Variants in CFAP54 observed in about 807,000 individuals in gnomAD.
CFAP54 encodes the protein cilia- and flagella-associated protein 54.
In CFAP54, 290 loss-of-function variants were observed where a neutral mutation model predicts 370.4. The observed-to-expected ratio is 0.78, with a 90% CI of 0.71 to 0.86. The LOEUF (loss-of-function observed/expected upper bound fraction) is 0.86, where lower values mean the gene tolerates loss of function less well. Ranked by LOEUF, CFAP54 falls within the 40% of genes least tolerant of loss-of-function variation. The probability of loss-of-function intolerance (pLI) is 0.00; values close to 1 mark genes in which losing one functional copy is unlikely to be tolerated. For synonymous variants in CFAP54, 1,206 were observed against 1,236.5 expected, an observed-to-expected ratio of 0.98 and a Z score of 0.52; for missense variants, 3,399 against 3,528.7, an observed-to-expected ratio of 0.96 and a Z score of 0.93.
intron 67 of CFAP54, among the ~76,000 whole-genome samples, chr12:96,862,005 A>T (rs145286232): frequency 1.2e-4 from 18 of 152,318 alleles, no homozygotes; most frequent in African/African-American, 4.3e-4. Flanking sequence ...ATTTCCTACT[A>T]GTATTAAAAA....
At chr12:96,857,808 C>T (rs1099729) in intron 66 of CFAP54, among the ~76,000 whole-genome samples, 145,030 of 152,272 alleles carry the variant, frequency 0.95, 69,114 homozygotes, top group East Asian at 1. Flanking sequence ...GCCATAATTA[C>T]AAGTTTCCTG....
chr12:96,551,087 G>A (rs746703422), intron 15 of CFAP54, among the ~76,000 whole-genome samples: 12 of 152,088 alleles, frequency 7.9e-5, no homozygotes, highest in Admixed American at 2.6e-4. Flanking sequence ...TGGGCAATAT[G>A]GTGAAACCAT....
chr12:96,657,661 A>T (rs1565931294), intron 36 of CFAP54, among the ~76,000 whole-genome samples: 3 of 152,384 alleles, frequency 2.0e-5, no homozygotes, highest in Non-Finnish European at 2.9e-5. Flanking sequence ...ATAGGGAACG[A>T]TAATGAACAG....
intron 55 of CFAP54, among the ~76,000 whole-genome samples, chr12:96,745,643 T>C (rs1265816754): frequency 1.3e-5 from 2 of 152,230 alleles, no homozygotes; most frequent in Non-Finnish European, 2.9e-5. Flanking sequence ...ATTCTGATGA[T>C]AGTTTCTTTT....
chr12:96,696,223 A>C (rs1001679233), intron 45 of CFAP54, among the ~76,000 whole-genome samples: 7 of 152,138 alleles, frequency 4.6e-5, no homozygotes, highest in Admixed American at 4.6e-4. Flanking sequence ...AGGTTGTAGA[A>C]GATAACATGA....
At chr12:96,873,988 G>A (rs1960227143) in intron 67 of CFAP54, among the ~76,000 whole-genome samples, 1 of 152,044 alleles carries the variant, frequency 6.6e-6, no homozygotes, top group Non-Finnish European at 1.5e-5. Context: ...GTTCTCTTTT[G>A]TCTTCTCCAT....
intron 51 of CFAP54, among the ~76,000 whole-genome samples, chr12:96,740,637 T>C (rs1269573318): frequency 1.3e-5 from 2 of 152,238 alleles, no homozygotes; most frequent in African/African-American, 4.8e-5. Flanking sequence ...GTATTACTAA[T>C]AAAATCGCTA....
intron 60 of CFAP54, among the ~76,000 whole-genome samples, chr12:96,771,797 C>T (rs2136679602): frequency 6.6e-6 from 1 of 152,194 alleles, no homozygotes; most frequent in East Asian, 1.9e-4. Context: ...GAGCTCTGGC[C>T]TGGGCTGATG....
At chr12:96,578,493 G>C (rs756986539) in intron 20 of CFAP54, among the ~76,000 whole-genome samples, 8 of 152,140 alleles carry the variant, frequency 5.3e-5, no homozygotes, top group Non-Finnish European at 1.2e-4. Context: ...GTTTGCTTTT[G>C]TTCAAATATT....
At chr12:96,588,493 GTC>G (rs569034219) in intron 22 of CFAP54, among the ~76,000 whole-genome samples, 160 of 152,302 alleles carry the variant, frequency 1.1e-3, no homozygotes, top group Non-Finnish European at 1.6e-3. Context: ...ACTTTGAAGA[GTC>G]TATCTCTACA....
At chr12:96,836,615 AC>A (rs1428859668) in intron 66 of CFAP54, among the ~76,000 whole-genome samples, 2 of 152,196 alleles carry the variant, frequency 1.3e-5, no homozygotes, top group Admixed American at 1.3e-4. Context: ...AAACATCACT[AC>A]AGCGTAATAT....
At chr12:96,645,343 T>A (rs1326074620) in intron 33 of CFAP54, 1 of 318,338 alleles carries the variant, frequency 3.1e-6, no homozygotes, top group Non-Finnish European at 6.3e-6. Context: ...TGAACTCCCA[T>A]TCACAATTGC....
In CFAP54 at chr12:96,614,775, A is replaced by G. The variant is rs148002769; in HGVS notation, c.3640-6815A>G. 9.5e-3 allele frequency among the ~76,000 whole-genome samples: 1,441 copies of G among 152,358 alleles called. 53 individuals are homozygous for G. The East Asian group carries it at 0.098, about 10-fold the overall frequency. On this transcript the variant is annotated intron_variant, in intron 26 of 67. Transcript: ENST00000524981. ...CCCATTCACAATTGCTTCAAAGAGAATAAAATACCTAGAAATACAACTTAC... is the reference window on the plus strand; with the variant it reads ...CCCATTCACAATTGCTTCAAAGAGAGTAAAATACCTAGAAATACAACTTAC...
At chr12:96,675,121 A>G (rs1592702543) in intron 39 of CFAP54, among the ~76,000 whole-genome samples, 2 of 152,180 alleles carry the variant, frequency 1.3e-5, no homozygotes, top group East Asian at 3.9e-4. Context: ...TCTGCACAGC[A>G]AAAGAAACTA....
At chr12:96,491,245 G>T (rs61940378) in intron 1 of CFAP54, among the ~76,000 whole-genome samples, 5,400 of 152,178 alleles carry the variant, frequency 0.035, 140 homozygotes, top group Middle Eastern at 0.058. Flanking sequence ...GAGGATTTTT[G>T]TGCAAAAAGT....
chr12:96,597,218 A>G (rs815892), intron 25 of CFAP54, among the ~76,000 whole-genome samples: 105,221 of 151,866 alleles, frequency 0.69, 36,588 homozygotes, highest in African/African-American at 0.72. Flanking sequence ...ATCTGACACA[A>G]CAATTCTTCT....
At chr12:96,642,180 G>T (rs1956738116) in intron 32 of CFAP54, among the ~76,000 whole-genome samples, 1 of 151,914 alleles carries the variant, frequency 6.6e-6, no homozygotes, top group Non-Finnish European at 1.5e-5. Context: ...TCTAGATTTG[G>T]CTAGCAGGAG....
At chr12:96,613,732 T>C (rs1956385537) in intron 26 of CFAP54, among the ~76,000 whole-genome samples, 1 of 152,162 alleles carries the variant, frequency 6.6e-6, no homozygotes, top group African/African-American at 2.4e-5. Context: ...CAGAGAATAC[T>C]ATAAACACCT....
At chr12:96,649,837 C>T in intron 34 of CFAP54, 54 bp from the exon 35 acceptor site, 1 of 1,254,570 alleles carries the variant, frequency 8.0e-7, no homozygotes, top group Non-Finnish European at 1.1e-6. Flanking sequence ...ACTGTGTTTT[C>T]TGGAACTTAA....
Sources: gnomAD v4.1 joint callset for allele counts (sites outside exome capture counted in the v4.1 genomes callset) on GRCh38, gnomAD v4.1.1 for gene constraint, MANE v1.5 for transcripts, NCBI Gene and HGNC (gene_info 2026-07-23, HGNC 2026-07-21) for gene names.